The following PLXDC1 variants were observed in gnomAD, a reference collection of about 807,000 sequenced individuals.
PLXDC1 encodes the protein plexin domain containing 1, also known as plexin domain-containing protein 1.
Under a neutral mutation model 61.3 loss-of-function variants are expected in PLXDC1, and 39 were observed. The observed-to-expected ratio is 0.64, with a 90% CI of 0.49 to 0.83. PLXDC1 has a LOEUF of 0.83. Among genes scored for constraint, PLXDC1 ranks in the 40% least tolerant of loss-of-function variants. The probability of loss-of-function intolerance (pLI) is 0.00; values close to 1 mark genes in which losing one functional copy is unlikely to be tolerated. For missense variants in PLXDC1, 596 were observed against 666.5 expected (o/e 0.89, Z 1.17); for synonymous variants, 212 against 254.5 (o/e 0.83, Z 1.59).
chr17:39,117,240 C>T (rs1243919953), intron 2 of PLXDC1, among the ~76,000 whole-genome samples: 1 of 152,204 alleles, frequency 6.6e-6, no homozygotes, highest in Non-Finnish European at 1.5e-5. Flanking sequence ...TGAATGAACA[C>T]GTGTGCTTCA....
intron 2 of PLXDC1, among the ~76,000 whole-genome samples, chr17:39,134,240 C>T (rs1361764299): frequency 6.8e-6 from 1 of 147,304 alleles, no homozygotes; most frequent in Admixed American, 6.8e-5. Context: ...GGCGACAGAG[C>T]AAGACTCCGT....
chr17:39,091,208 C>T (rs1348152812), intron 7 of PLXDC1, among the ~76,000 whole-genome samples: 1 of 152,190 alleles, frequency 6.6e-6, no homozygotes, highest in Non-Finnish European at 1.5e-5. Context: ...GACGGCAGTG[C>T]TCAGGTGGTG....
At chr17:39,093,731 A>G (rs989477137) in intron 7 of PLXDC1, among the ~76,000 whole-genome samples, 1 of 151,844 alleles carries the variant, frequency 6.6e-6, no homozygotes, top group African/African-American at 2.4e-5. Flanking sequence ...ATATATATAT[A>G]TATATAAAAT....
intron 7 of PLXDC1, among the ~76,000 whole-genome samples, chr17:39,104,069 G>A (rs1329764122): frequency 6.6e-6 from 1 of 152,178 alleles, no homozygotes; most frequent in Non-Finnish European, 1.5e-5. Context: ...GTTCGCTACA[G>A]AACAAGGTGT....
At chr17:39,089,179 G>C (rs1291849305) in intron 7 of PLXDC1, among the ~76,000 whole-genome samples, 1 of 152,160 alleles carries the variant, frequency 6.6e-6, no homozygotes, top group African/African-American at 2.4e-5. Context: ...TCCCCTTGGG[G>C]TACTGTGCCT....
At chr17:39,080,031 C>T (rs2143361747) in intron 9 of PLXDC1, 1 of 165,188 alleles carries the variant, frequency 6.1e-6, no homozygotes, top group East Asian at 1.7e-4. Flanking sequence ...TGAACTGAGC[C>T]AGCCACACTC....
At chr17:39,122,053 C>T (rs530501317) in intron 2 of PLXDC1, among the ~76,000 whole-genome samples, 94 of 144,722 alleles carry the variant, frequency 6.5e-4, no homozygotes, top group Middle Eastern at 3.6e-3. Context: ...GCTGAGATCA[C>T]GCCACTGCAT....
At chr17:39,117,523 G>A (rs1472114852) in intron 2 of PLXDC1, among the ~76,000 whole-genome samples, 1 of 152,044 alleles carries the variant, frequency 6.6e-6, no homozygotes, top group East Asian at 1.9e-4. Context: ...TTGAATCCAG[G>A]AGTTCAAGAC....
chr17:39,128,097 G>GTATGTATATATATATATATA (rs1911380355), intron 2 of PLXDC1, among the ~76,000 whole-genome samples: 4 of 67,478 alleles, frequency 5.9e-5, no homozygotes, highest in Non-Finnish European at 8.1e-5. Context: ...CTCTCTATGT[G>GTATGTATATATATATATATA]TATATATATA....
In PLXDC1 at chr17:39,072,438, T is replaced by C. The variant is rs62076605; in HGVS notation, c.1222+12A>G. On this transcript the variant is annotated intron_variant, in intron 12 of 13. Coordinates refer to ENST00000315392, the MANE Select transcript of PLXDC1 (RefSeq NM_020405.5). ...TGGGTCTGACGCTGAGGGCAGGCAG[T>C]TCTGTACTCACCGTCTCCTCCTGCA... The C allele has an allele frequency of 0.039, 59,546 of 1,543,586 alleles. 1,291 individuals carry two copies. The highest frequency in any genetic ancestry group is 0.042 in the Non-Finnish European group (47,661 of 1,136,616).
intron 11 of PLXDC1, among the ~76,000 whole-genome samples, chr17:39,076,888 A>G (rs990453476): frequency 9.2e-5 from 14 of 151,958 alleles, no homozygotes; most frequent in African/African-American, 3.4e-4. Flanking sequence ...GGCGCCCACG[A>G]CCATGCCCAG....
intron 2 of PLXDC1, among the ~76,000 whole-genome samples, chr17:39,118,708 T>G (rs192418450): frequency 2.6e-5 from 4 of 152,300 alleles, no homozygotes; most frequent in African/African-American, 9.6e-5. Context: ...TACATGACCC[T>G]GTGCTTCCTC....
intron 7 of PLXDC1, among the ~76,000 whole-genome samples, chr17:39,104,184 A>G (rs1379659064): frequency 1.3e-5 from 2 of 152,236 alleles, no homozygotes; most frequent in Non-Finnish European, 2.9e-5. Context: ...AACACTTTAC[A>G]TACACTATCG....
At chr17:39,128,217 GTA>G (rs1402787458) in intron 2 of PLXDC1, among the ~76,000 whole-genome samples, 2 of 140,596 alleles carry the variant, frequency 1.4e-5, no homozygotes, top group African/African-American at 5.4e-5. Flanking sequence ...ATGTGTGTGT[GTA>G]TATATATATT....
chr17:39,085,236 T>C (rs897728895), intron 8 of PLXDC1, among the ~76,000 whole-genome samples: 2 of 152,186 alleles, frequency 1.3e-5, no homozygotes, highest in Non-Finnish European at 2.9e-5. Context: ...CCACCTTCAG[T>C]CACTCTGGGA....
chr17:39,102,809 AG>A (rs201139463), intron 7 of PLXDC1, among the ~76,000 whole-genome samples: 1,776 of 152,084 alleles, frequency 0.012, 51 homozygotes, highest in African/African-American at 0.041. Flanking sequence ...CTTTGCCTCC[AG>A]GGAGGAGAGC....
chr17:39,125,692 C>T (rs781163150), intron 2 of PLXDC1, among the ~76,000 whole-genome samples: 8 of 152,088 alleles, frequency 5.3e-5, no homozygotes, highest in Non-Finnish European at 7.3e-5. Flanking sequence ...TTTCATGGAC[C>T]GCTTCTGTCA....
chr17:39,141,625 G>C (rs1049011046), intron 1 of PLXDC1, among the ~76,000 whole-genome samples: 2 of 152,260 alleles, frequency 1.3e-5, no homozygotes, highest in East Asian at 3.9e-4. Flanking sequence ...TTTGAGACCT[G>C]GCCTTCAATT....
rs1008488806 is a variant in PLXDC1 at position 39,105,899 on chromosome 17, G to A, written c.766C>T (p.Leu256=). The A allele has an allele frequency of 3.1e-6, 5 of 1,614,050 alleles. No homozygotes were observed. Among genetic ancestry groups the A allele is most frequent in the Non-Finnish European group, 4.2e-6 (5 of 1,179,928 alleles). ...TTGAGAATCATGAAGGCATCCGATA[G>A]GCCGGTTTTGACAGGATGCTGGGAG... is the stretch of plus-strand genomic sequence containing the variant. The part of the protein sequence containing the change: ...SSSQHPVKTG[L]SDAFMILNPS... Residue 256 remains leucine (L), a synonymous_variant, in exon 7 of 14, where the codon CTA becomes TTA. Transcript: ENST00000315392.
Sources: allele counts gnomAD v4.1 joint callset (sites outside exome capture counted in the v4.1 genomes callset), GRCh38; gene constraint gnomAD v4.1.1; transcripts MANE v1.5; gene names NCBI Gene and HGNC (gene_info 2026-07-23, HGNC 2026-07-21).